Variants in PDE8B observed in about 807,000 individuals in gnomAD.
PDE8B encodes the protein phosphodiesterase 8B, also known as high affinity cAMP-specific and IBMX-insensitive 3',5'-cyclic phosphodiesterase 8B.
Under a neutral mutation model 101.3 loss-of-function variants are expected in PDE8B, and 26 were observed. The observed-to-expected ratio is 0.26, with a 90% CI of 0.19 to 0.36. The LOEUF (loss-of-function observed/expected upper bound fraction) is 0.36. Ranked by LOEUF, PDE8B falls within the 10% of genes least tolerant of loss-of-function variation. The probability of loss-of-function intolerance (pLI) is 1.00; values close to 1 mark genes in which losing one functional copy is unlikely to be tolerated. For synonymous variants in PDE8B, 424 were observed against 429.3 expected, an observed-to-expected ratio of 0.99 and a Z score of 0.15; for missense variants, 810 against 1,163.1, an observed-to-expected ratio of 0.70 and a Z score of 4.42.
intron 10 of PDE8B, among the ~76,000 whole-genome samples, chr5:77,359,819 C>T (rs753549780): frequency 6.6e-6 from 1 of 152,002 alleles, no homozygotes; most frequent in Non-Finnish European, 1.5e-5. Context: ...GATAGACTGC[C>T]GGGCGCAGTG....
intron 10 of PDE8B, among the ~76,000 whole-genome samples, chr5:77,368,790 A>G (rs979460330): frequency 6.6e-6 from 1 of 152,220 alleles, no homozygotes; most frequent in African/African-American, 2.4e-5. Context: ...AGCTACACAG[A>G]AGGAATAAGA....
Position 77,411,713 on chromosome 5 carries a change from T to C in PDE8B, c.1568T>C (p.Phe523Ser). The change falls in exon 15 of 22, where the codon TTT (phenylalanine) becomes TCT (serine). Residue 523 changes from phenylalanine to serine, a missense_variant. Physicochemically the swap from Phe to Ser is radical, Grantham distance 155. Around this residue, in one of 4 missense-constraint regions of PDE8B, gnomAD observed 325 missense variants for 560.9 expected, o/e 0.58. Coordinates refer to ENST00000264917, the MANE Select transcript of PDE8B (RefSeq NM_003719.5). ...LRRLSGNEYV[F>S]TKNVHQSHSH... ...AGACTGTCAGGAAACGAGTATGTGT[T>C]TACTAAGAGTAAGTTTTCATCTATT... The C allele has an allele frequency of 6.2e-7, 1 of 1,610,046 alleles. No individual in the cohort carries two copies.
At chr5:77,401,182 C>G (rs776189007) in intron 11 of PDE8B, among the ~76,000 whole-genome samples, 4 of 152,164 alleles carry the variant, frequency 2.6e-5, no homozygotes, top group Non-Finnish European at 5.9e-5. Flanking sequence ...TTGTACCTTC[C>G]TTCCCCCTTT....
At chr5:77,290,255 G>T in intron 1 of PDE8B, 9 of 1,554,446 alleles carry the variant, frequency 5.8e-6, no homozygotes, top group Middle Eastern at 1.7e-4. Context: ...CTTGGAGCAG[G>T]CCTGCTGCCT....
chr5:77,120,295 G>C, the PDE8B span, among the ~76,000 whole-genome samples: 3 of 152,194 alleles, frequency 2.0e-5, no homozygotes, highest in Admixed American at 2.0e-4. Flanking sequence ...CAGAGAGCAG[G>C]CATGAGGGAA....
chr5:77,278,994 A>C (rs1257135992), intron 1 of PDE8B, among the ~76,000 whole-genome samples: 2 of 152,212 alleles, frequency 1.3e-5, no homozygotes, highest in African/African-American at 2.4e-5. Flanking sequence ...ACTATACACT[A>C]CTGAAACAAA....
At chr5:77,202,288 C>T in the PDE8B span, among the ~76,000 whole-genome samples, 2 of 152,208 alleles carry the variant, frequency 1.3e-5, no homozygotes, top group Non-Finnish European at 2.9e-5. Context: ...TAAAATAGTA[C>T]AGTTGACTCT....
intron 1 of PDE8B, among the ~76,000 whole-genome samples, chr5:77,265,391 A>AT (rs780856934): frequency 3.3e-5 from 5 of 152,080 alleles, no homozygotes; most frequent in Admixed American, 6.6e-5. Flanking sequence ...CTTAGAGCTG[A>AT]TTTTTTATTG....
the PDE8B span, among the ~76,000 whole-genome samples, chr5:77,157,804 G>A: frequency 6.6e-6 from 1 of 152,160 alleles, no homozygotes; most frequent in Non-Finnish European, 1.5e-5. Flanking sequence ...GTTGCCTAAG[G>A]TCACCAGGTT....
chr5:77,291,083 C>G (rs1019701905), intron 1 of PDE8B: 2 of 1,610,500 alleles, frequency 1.2e-6, no homozygotes, highest in Non-Finnish European at 1.7e-6. Context: ...TTGGAGGAAA[C>G]AGTACCATTA....
intron 10 of PDE8B, among the ~76,000 whole-genome samples, chr5:77,361,417 A>G (rs1377600662): frequency 6.6e-6 from 1 of 152,120 alleles, no homozygotes; most frequent in Non-Finnish European, 1.5e-5. Flanking sequence ...TTCCCCCAGT[A>G]TTTACAAACT....
chr5:77,250,823 A>G (rs1354188863), intron 1 of PDE8B, among the ~76,000 whole-genome samples: 1 of 152,196 alleles, frequency 6.6e-6, no homozygotes, highest in African/African-American at 2.4e-5. Context: ...CTCTTCTCAG[A>G]TGTGAGGAGG....
intron 1 of PDE8B, among the ~76,000 whole-genome samples, chr5:77,309,176 C>CAGAA (rs892141342): frequency 6.0e-4 from 68 of 112,434 alleles, no homozygotes; most frequent in African/African-American, 1.8e-3. Context: ...GAAACTCTGT[C>CAGAA]AGAAAGAAAG....
intron 10 of PDE8B, among the ~76,000 whole-genome samples, chr5:77,398,766 G>C (rs1451657955): frequency 6.6e-6 from 1 of 152,212 alleles, no homozygotes; most frequent in Non-Finnish European, 1.5e-5. Flanking sequence ...GGCATTTGGG[G>C]TCATCCCCAC....
chr5:77,343,515 G>A (rs1019324388), intron 6 of PDE8B, among the ~76,000 whole-genome samples: 7 of 152,288 alleles, frequency 4.6e-5, no homozygotes, highest in Non-Finnish European at 7.4e-5. Context: ...AGTTAAAATG[G>A]TGCACTTGTA....
At chr5:77,124,462 C>T in the PDE8B span, among the ~76,000 whole-genome samples, 1 of 151,964 alleles carries the variant, frequency 6.6e-6, no homozygotes, top group African/African-American at 2.4e-5. Flanking sequence ...GTGGTGCACA[C>T]CTGTATCCCA....
intron 2 of PDE8B, among the ~76,000 whole-genome samples, chr5:77,315,472 C>A (rs1203616342): frequency 6.6e-6 from 1 of 152,004 alleles, no homozygotes; most frequent in East Asian, 1.9e-4. Flanking sequence ...ATATTTGTTG[C>A]AGCTTGTTTG....
chr5:77,210,906 C>A lies in PDE8B; in HGVS notation c.-20C>A, dbSNP rs1248812149. On this transcript the variant is annotated 5_prime_UTR_variant, in exon 1 of 22. Transcript: ENST00000264917. The surrounding 1 kb of genome is among the most constrained non-coding windows in gnomAD (Gnocchi z 4.9). ...GCGGCCGCGGGCGCGGGCGGGCGCG[C>A]GGGGGAGCCCGGCCGAGGGATGGGC... 2 of 1,315,710 alleles carry A rather than the reference C, an allele frequency of 1.5e-6. No individual in the cohort carries two copies. Among genetic ancestry groups the A allele is most frequent in the Non-Finnish European group, 1.9e-6 (2 of 1,036,980 alleles). 81.5% of individuals were successfully genotyped at this position (1,315,710 alleles called of 1,614,324 possible). A position where few individuals can be genotyped will look rare whatever the true frequency, so the allele number is the denominator to read the frequency against.
the PDE8B span, chr5:77,147,647 T>G: frequency 6.6e-6 from 1 of 152,260 alleles, no homozygotes; most frequent in African/African-American, 2.4e-5. Context: ...AATCCATCTT[T>G]CCAGGAGATT....
Sources: gnomAD v4.1 joint callset for allele counts (sites outside exome capture counted in the v4.1 genomes callset) on GRCh38, gnomAD v4.1.1 for gene constraint, gnomAD v4.1.1 regional missense constraint, Gnocchi (gnomAD v3.1) non-coding constraint, MANE v1.5 for transcripts, NCBI Gene and HGNC (gene_info 2026-07-23, HGNC 2026-07-21) for gene names.